CASR: variants seen among roughly 807,000 people sequenced by gnomAD.
CASR encodes the protein calcium sensing receptor.
CASR carries 23 observed loss-of-function variants against 69.1 expected under a neutral mutation model. That is an observed-to-expected ratio of 0.33 (90% confidence interval 0.24 to 0.47). CASR has a LOEUF of 0.47. CASR is among the 20% of genes least tolerant of loss of function. CASR has a pLI of 1.00. For missense variants in CASR, 924 were observed against 1,356.1 expected, an observed-to-expected ratio of 0.68 and a Z score of 5.00; for synonymous variants, 541 against 544.7, an observed-to-expected ratio of 0.99 and a Z score of 0.10.
intron 1 of CASR, among the ~76,000 whole-genome samples, chr3:122,249,479 G>C (rs1039729480): frequency 6.6e-6 from 1 of 152,198 alleles, no homozygotes; most frequent in African/African-American, 2.4e-5. Flanking sequence ...ATCATTGCAC[G>C]AATTTATAAC....
At chr3:122,226,151 C>G (rs1040456779) in intron 1 of CASR, among the ~76,000 whole-genome samples, 1 of 152,126 alleles carries the variant, frequency 6.6e-6, no homozygotes, top group Non-Finnish European at 1.5e-5. Flanking sequence ...AGCCACGGAC[C>G]CTCACGGTGA....
intron 1 of CASR, among the ~76,000 whole-genome samples, chr3:122,215,114 G>A (rs979726763): frequency 6.6e-6 from 1 of 152,096 alleles, no homozygotes; most frequent in South Asian, 2.1e-4. Context: ...CTTTGCCTAT[G>A]CACTTGAGAA....
At chr3:122,243,084 C>T (rs2173960) in intron 1 of CASR, among the ~76,000 whole-genome samples, 130,199 of 152,176 alleles carry the variant, frequency 0.86, 56,105 homozygotes, top group Admixed American at 0.89. Flanking sequence ...AACAAAAACA[C>T]TGGGGAAGCT....
In CASR at chr3:122,289,600, C is replaced by T. The variant is rs1019111096; in HGVS notation, c.*4409C>T. 3 of 152,440 alleles carry T rather than the reference C, an allele frequency of 2.0e-5. No homozygotes were observed. The highest frequency in any genetic ancestry group is 1.9e-4 in the East Asian group (1 of 5,202). The allele number at this position is 152,440 out of a possible 1,614,324, so 9.4% of individuals were successfully genotyped here. A position where few individuals can be genotyped will look rare whatever the true frequency, so the allele number is the denominator to read the frequency against. ...GGTGAAGGCCAACAGGGCAGGAAGC[C>T]GGGCAGAGCCAGCATGAAGGTGCCT... On this transcript the variant is annotated 3_prime_UTR_variant, in exon 7 of 7. Transcript: ENST00000639785.
Position 122,285,488 on chromosome 3 carries a change from A to G in CASR, c.*297A>G. 2.5e-6 allele frequency: 1 copy of G among 392,392 alleles called. No individual in the cohort carries two copies. The highest frequency in any genetic ancestry group is 4.8e-6 in the Non-Finnish European group (1 of 207,858). The allele number at this position is 392,392 out of a possible 1,614,324, so 24.3% of individuals were successfully genotyped here. Reference sequence around the variant, plus strand: ...TCTCTTCCTCTGTTCTATCCCACCCAACAGCTCAGAGATGAAACTATGGCT... The same window carrying G: ...TCTCTTCCTCTGTTCTATCCCACCCGACAGCTCAGAGATGAAACTATGGCT... On this transcript the variant is annotated 3_prime_UTR_variant, in exon 7 of 7. Coordinates refer to ENST00000639785, the MANE Select transcript of CASR (RefSeq NM_000388.4).
At position 122,257,260 on chromosome 3, in the gene CASR, C is replaced by A. The variant is rs778201006; in HGVS notation, c.365C>A (p.Ser122Tyr). 1 of 1,614,166 alleles carries A rather than the reference C, an allele frequency of 6.2e-7. No individual in the cohort carries two copies. The highest frequency in any genetic ancestry group is 1.7e-5 in the Admixed American group (1 of 60,024). ...LSFVAQNKID[S>Y]LNLDEFCNCS... ...TTTGTTGCTCAAAACAAAATTGATT[C>A]TTTGAACCTTGATGAGTTCTGCAAC... The change falls in exon 3 of 7, where the codon TCT becomes TAT. Residue 122 changes from serine to tyrosine, a missense_variant. This residue lies in a region of CASR where 141 missense variants were observed against 283.0 expected (regional missense o/e 0.50). Transcript: ENST00000639785.
At chr3:122,233,675 G>A (rs764870631) in intron 1 of CASR, among the ~76,000 whole-genome samples, 30 of 152,110 alleles carry the variant, frequency 2.0e-4, no homozygotes, top group Non-Finnish European at 3.7e-4. Flanking sequence ...CCCAGATTAC[G>A]CATGGGCTAC....
intron 1 of CASR, among the ~76,000 whole-genome samples, chr3:122,220,155 A>G (rs1351303810): frequency 2.0e-5 from 3 of 152,216 alleles, no homozygotes; most frequent in Non-Finnish European, 4.4e-5. Context: ...GAGAGAAGAG[A>G]AGAGACACCT....
rs574454325 is a variant in CASR at position 122,290,175 on chromosome 3, G to A, written c.*4984G>A. Reference sequence around the variant, plus strand: ...ACCAGCTCCCTGCCTCTAAAATGTGGGCACCTGGGTAACTAGATAGCGCAG... The same window carrying A: ...ACCAGCTCCCTGCCTCTAAAATGTGAGCACCTGGGTAACTAGATAGCGCAG... On this transcript the variant is annotated 3_prime_UTR_variant, in exon 7 of 7. Coordinates refer to ENST00000639785, the MANE Select transcript of CASR (RefSeq NM_000388.4). 6.6e-6 allele frequency: 1 copy of A among 152,148 alleles called. No homozygotes were observed. The highest frequency in any genetic ancestry group is 6.5e-5 in the Admixed American group (1 of 15,274). The allele number at this position is 152,148 out of a possible 1,614,324, so 9.4% of individuals were successfully genotyped here. A position where few individuals can be genotyped will look rare whatever the true frequency, so the allele number is the denominator to read the frequency against.
chr3:122,202,278 C>T (rs574437924), intron 1 of CASR, among the ~76,000 whole-genome samples: 3 of 152,364 alleles, frequency 2.0e-5, no homozygotes, highest in Non-Finnish European at 2.9e-5. Flanking sequence ...ACCAGTCAGG[C>T]GTGGTGGCGC....
intron 4 of CASR, among the ~76,000 whole-genome samples, chr3:122,264,768 A>T (rs1001150755): frequency 3.9e-5 from 6 of 152,156 alleles, no homozygotes; most frequent in Admixed American, 2.0e-4. Flanking sequence ...GGCGTTCCAG[A>T]ATTTGAGGTC....
intron 1 of CASR, among the ~76,000 whole-genome samples, chr3:122,210,902 G>A (rs953689784): frequency 3.3e-5 from 5 of 152,130 alleles, no homozygotes; most frequent in African/African-American, 4.8e-5. Context: ...GTAGACCAAT[G>A]GAACAGAATA....
chr3:122,237,618 A>G (rs2074340724), intron 1 of CASR, among the ~76,000 whole-genome samples: 1 of 152,266 alleles, frequency 6.6e-6, no homozygotes, highest in Non-Finnish European at 1.5e-5. Context: ...TTTTATTAAT[A>G]CGATATTAAG....
At chr3:122,252,605 G>A (rs1286331763) in intron 1 of CASR, among the ~76,000 whole-genome samples, 10 of 151,926 alleles carry the variant, frequency 6.6e-5, no homozygotes, top group Admixed American at 5.2e-4. Flanking sequence ...TGGAAATGGC[G>A]AGGAGTAAAT....
chr3:122,236,023 T>C (rs1384635074), intron 1 of CASR, among the ~76,000 whole-genome samples: 5 of 152,236 alleles, frequency 3.3e-5, no homozygotes, highest in African/African-American at 1.2e-4. Flanking sequence ...GTGATGGTGC[T>C]GATGCTCGTC....
rs767351444 is a variant in CASR, at chr3:122,185,756, G to A, written c.-243+1944G>A. ...TTTTCCTCTGTAGGAACCTGGGAGAGCGGGTGCTTTATACCTGCCTCCCAG... is the reference window on the plus strand; with the variant it reads ...TTTTCCTCTGTAGGAACCTGGGAGAACGGGTGCTTTATACCTGCCTCCCAG... On this transcript the variant is annotated intron_variant, in intron 1 of 6. Transcript: ENST00000639785. Among the ~76,000 whole-genome samples, 158 of 152,282 alleles carry A rather than the reference G, an allele frequency of 1.0e-3. 1 individual carries two copies. The highest frequency in any genetic ancestry group is 7.4e-4 in the Non-Finnish European group (50 of 68,020).
In CASR at chr3:122,290,896, T is replaced by C. The variant is rs1486309125; in HGVS notation, c.*5705T>C. 10 of 114,816 alleles carry C rather than the reference T, an allele frequency of 8.7e-5. No homozygotes were observed. Among genetic ancestry groups the C allele is most frequent in the Non-Finnish European group, 1.5e-4 (9 of 59,558 alleles). The allele number at this position is 114,816 out of a possible 1,614,324, so 7.1% of individuals were successfully genotyped here. On this transcript the variant is annotated 3_prime_UTR_variant, in exon 7 of 7. Coordinates refer to ENST00000639785, the MANE Select transcript of CASR (RefSeq NM_000388.4). Reference sequence around the variant, plus strand: ...CCTCCCCCCTCCCCCCACCCCACAATAGGCCCTGGTGTGTGATGTTCCCCT... The same window carrying C: ...CCTCCCCCCTCCCCCCACCCCACAACAGGCCCTGGTGTGTGATGTTCCCCT...
chr3:122,276,329 T>C (rs1476278594), intron 5 of CASR, among the ~76,000 whole-genome samples: 2 of 152,212 alleles, frequency 1.3e-5, no homozygotes, highest in African/African-American at 4.8e-5. Context: ...TGGCTAAAAC[T>C]TTCCCTAACC....
chr3:122,197,528 T>C (rs1008747973), intron 1 of CASR, among the ~76,000 whole-genome samples: 1 of 152,182 alleles, frequency 6.6e-6, no homozygotes, highest in South Asian at 2.1e-4. Context: ...CATAACCAAA[T>C]AAGCATTTCT....
Sources: allele counts gnomAD v4.1 joint callset (sites outside exome capture counted in the v4.1 genomes callset), GRCh38; gene constraint gnomAD v4.1.1; regional missense constraint gnomAD v4.1.1; transcripts MANE v1.5; gene names NCBI Gene and HGNC (gene_info 2026-07-23, HGNC 2026-07-21).